Variants in VPS8 observed in about 807,000 individuals in gnomAD.
VPS8 encodes VPS8 subunit of CORVET complex, also known as vacuolar protein sorting-associated protein 8 homolog.
In VPS8, 129 loss-of-function variants were observed where a neutral mutation model predicts 216.4. That is an observed-to-expected ratio of 0.60 (90% CI 0.52 to 0.69). VPS8 has a LOEUF of 0.69. Among genes scored for constraint, VPS8 ranks in the 30% least tolerant of loss-of-function variants. The pLI, the probability that VPS8 is intolerant of heterozygous loss-of-function variation, is 0.00. For synonymous variants in VPS8, 571 were observed against 565.4 expected (o/e 1.01, Z -0.14); for missense variants, 1,531 against 1,683.5 (o/e 0.91, Z 1.59).
At chr3:184,976,774 G>A (rs1330568766) in intron 40 of VPS8, among the ~76,000 whole-genome samples, 1 of 152,146 alleles carries the variant, frequency 6.6e-6, no homozygotes, top group Non-Finnish European at 1.5e-5. Context: ...CTCCATTTAT[G>A]TTGCTGCAAA....
At chr3:184,998,539 A>G (rs930943207) in intron 44 of VPS8, among the ~76,000 whole-genome samples, 3 of 92,114 alleles carry the variant, frequency 3.3e-5, no homozygotes, top group African/African-American at 1.1e-4. Context: ...ATATATATAT[A>G]GCGAGAGAGA....
In VPS8 at chr3:184,868,024, T is replaced by A. The variant is rs1371342974; in HGVS notation, c.1471T>A (p.Ser491Thr). Residue 491 changes from serine (S) to threonine (T), a missense_variant and splice_region_variant, in exon 18 of 48, where the codon TCT becomes ACT. By Grantham distance (58) the Ser-to-Thr change is moderately conservative. Transcript: ENST00000625842. ...TAATTTCCATCTCTTTACTTTCCAG[T>A]CTGTTTATGTGATGATGCTGAGGAG... The part of the protein sequence containing the change: ...GGQIFYLGTK[S>T]VYVMMLRSWR... 5 of 1,612,616 alleles carry A rather than the reference T, an allele frequency of 3.1e-6. No homozygotes were observed. The African/African-American group carries it at 6.7e-5, about 22-fold the overall frequency.
chr3:184,812,290 G>C (rs769625417), intron 1 of VPS8, 65 bp downstream of exon 1: 1 of 152,276 alleles, frequency 6.6e-6, no homozygotes, highest in East Asian at 1.9e-4. Flanking sequence ...ATTCAGGGTA[G>C]GAGGAGAGCG....
Position 184,915,406 on chromosome 3 carries a change from G to A in VPS8, c.2314G>A (p.Glu772Lys). The A allele has an allele frequency of 6.2e-7, 1 of 1,613,978 alleles. No individual in the cohort carries two copies. Among genetic ancestry groups the A allele is most frequent in the East Asian group, 2.2e-5 (1 of 44,884 alleles). Residue 772 changes from glutamate (E) to lysine (K), a missense_variant, in exon 28 of 48, where the codon GAA becomes AAA. Transcript: ENST00000625842. ...TTCAGCAGAGGCTTCTCCTGAGGAA[G>A]AAATCTATCCTTACATTCGGACTTT... is the stretch of plus-strand genomic sequence containing the variant. ...LHSAEASPEE[E>K]IYPYIRTLLH...
rs2109129020 is a variant in VPS8 at position 184,920,212 on chromosome 3, GA to G, written c.2454+16del. On this transcript the variant is annotated intron_variant, in intron 29 of 47. Transcript: ENST00000625842. ...ATTTTGTTGAAAGTAAGTATTCAAA[GA>G]ATACATGTCTTTATATTGATATTTA... 1 of 1,484,330 alleles carries G rather than the reference GA, an allele frequency of 6.7e-7. No individual in the cohort carries two copies. Among genetic ancestry groups the G allele is most frequent in the Non-Finnish European group, 9.1e-7 (1 of 1,104,894 alleles). 91.9% of individuals were successfully genotyped at this position (1,484,330 alleles called of 1,614,324 possible).
chr3:184,930,988 G>T lies in VPS8; in HGVS notation c.2898+420G>T, dbSNP rs546129436. ...ATAACAGGATGATGATTCTGACCTA[G>T]CTGTGGTCAGCTAATTCACTGATTT... On this transcript the variant is annotated intron_variant, in intron 34 of 47. Transcript: ENST00000625842. Among the ~76,000 whole-genome samples, 17 of 152,230 alleles carry T rather than the reference G, an allele frequency of 1.1e-4. 2 individuals are homozygous for T. The South Asian group carries it at 3.5e-3, about 32-fold the overall frequency.
chr3:184,849,368 T>C (rs1382628002), intron 9 of VPS8, 173 bp downstream of exon 9: 1 of 697,420 alleles, frequency 1.4e-6, no homozygotes, highest in Non-Finnish European at 2.2e-6. Flanking sequence ...TACATAATTG[T>C]TATCGACTGA....
intron 46 of VPS8, among the ~76,000 whole-genome samples, chr3:185,048,124 G>A (rs931579124): frequency 8.1e-4 from 123 of 152,292 alleles, no homozygotes; most frequent in African/African-American, 2.8e-3. Context: ...TTTGCTGGCC[G>A]TATGAAGTGA....
intron 1 of VPS8, among the ~76,000 whole-genome samples, chr3:184,820,194 A>G (rs946172530): frequency 6.6e-6 from 1 of 152,202 alleles, no homozygotes; most frequent in Non-Finnish European, 1.5e-5. Flanking sequence ...TCAGTACTTC[A>G]CAAGTCTCAC....
At chr3:184,845,836 T>A (rs1297129829) in intron 8 of VPS8, among the ~76,000 whole-genome samples, 1 of 152,136 alleles carries the variant, frequency 6.6e-6, no homozygotes, top group East Asian at 1.9e-4. Flanking sequence ...TAGATTACAT[T>A]TGTTACACTG....
Position 184,854,154 on chromosome 3 carries a change from T to G in VPS8, c.1016T>G (p.Met339Arg). Residue 339 changes from methionine (M) to arginine (R), a missense_variant, in exon 13 of 48, where the codon ATG becomes AGG. Transcript: ENST00000625842. Reference sequence around the variant, plus strand: ...TTGAAACCATCCTTGAAAGTATGGATGACTTTTCCCTATGGCCGGGTGAGT... The same window carrying G: ...TTGAAACCATCCTTGAAAGTATGGAGGACTTTTCCCTATGGCCGGGTGAGT... ...IGLKPSLKVW[M>R]TFPYGRMDPS... is the part of the protein sequence containing the mutation. The G allele has an allele frequency of 6.2e-7, 1 of 1,613,814 alleles. No individual in the cohort carries two copies. The highest frequency in any genetic ancestry group is 8.5e-7 in the Non-Finnish European group (1 of 1,179,752).
At chr3:184,835,798 C>T (rs1311696856) in intron 5 of VPS8, among the ~76,000 whole-genome samples, 1 of 151,588 alleles carries the variant, frequency 6.6e-6, no homozygotes, top group East Asian at 1.9e-4. Flanking sequence ...CAAGCTCCAC[C>T]TCCCGGATTC....
At chr3:184,813,449 T>C (rs1715608942) in intron 1 of VPS8, among the ~76,000 whole-genome samples, 1 of 152,182 alleles carries the variant, frequency 6.6e-6, no homozygotes, top group African/African-American at 2.4e-5. Flanking sequence ...AATATAAATG[T>C]GGATGGAGAA....
intron 42 of VPS8, among the ~76,000 whole-genome samples, chr3:184,988,079 G>A (rs939152126): frequency 1.3e-4 from 20 of 152,140 alleles, no homozygotes; most frequent in Admixed American, 1.1e-3. Flanking sequence ...TATCACATGC[G>A]TGTTTTTGCA....
Position 184,824,734 on chromosome 3 carries a change from A to G in VPS8, c.102A>G (p.Ser34=). Residue 34 remains serine, a synonymous_variant, in exon 2 of 48, where the codon TCA becomes TCG. Transcript: ENST00000625842. ...NKSFNLEASL[S]KFSYIDMDKE... is the part of the protein sequence containing the mutation. ...CTTTCAATCTAGAAGCTTCACTTTC[A>G]AAATTCTCTTACATAGATATGGACA... The G allele has an allele frequency of 6.2e-7, 1 of 1,613,738 alleles. No homozygotes were observed. The highest frequency in any genetic ancestry group is 8.5e-7 in the Non-Finnish European group (1 of 1,179,764).
chr3:185,019,165 C>T (rs1389516687), intron 45 of VPS8, among the ~76,000 whole-genome samples: 3 of 152,150 alleles, frequency 2.0e-5, no homozygotes, highest in Admixed American at 2.0e-4. Context: ...TCCCAAGCTC[C>T]CCTTCTTACT....
At chr3:185,042,702 A>T (rs770040850) in intron 46 of VPS8, among the ~76,000 whole-genome samples, 1 of 152,220 alleles carries the variant, frequency 6.6e-6, no homozygotes, top group Non-Finnish European at 1.5e-5. Flanking sequence ...CCCTGTCAAG[A>T]AAACAGGAAG....
chr3:185,041,369 T>G (rs1711583113), intron 46 of VPS8, among the ~76,000 whole-genome samples: 1 of 151,976 alleles, frequency 6.6e-6, no homozygotes, highest in Non-Finnish European at 1.5e-5. Flanking sequence ...CTGTTCCCAC[T>G]CAGATTGTCA....
intron 10 of VPS8, among the ~76,000 whole-genome samples, chr3:184,851,403 C>T (rs747339751): frequency 1.3e-5 from 2 of 152,118 alleles, no homozygotes; most frequent in African/African-American, 4.8e-5. Context: ...ACACGTTGTT[C>T]TCCAAACTTA....
Sources: gnomAD v4.1 joint callset for allele counts (sites outside exome capture counted in the v4.1 genomes callset) on GRCh38, gnomAD v4.1.1 for gene constraint, MANE v1.5 for transcripts, NCBI Gene and HGNC (gene_info 2026-07-23, HGNC 2026-07-21) for gene names.